PDE10A: variants seen among roughly 807,000 people sequenced by gnomAD.
PDE10A encodes the protein phosphodiesterase 10A.
A neutral mutation model predicts 97.7 loss-of-function variants in PDE10A; 39 were observed. That is an observed-to-expected ratio of 0.40 (90% CI 0.31 to 0.52). PDE10A has a LOEUF of 0.52. Among genes scored for constraint, PDE10A ranks in the 20% least tolerant of loss-of-function variants. The pLI is 0.56. For synonymous variants in PDE10A, 371 were observed against 376.8 expected (o/e 0.98, Z 0.18); for missense variants, 731 against 1,047.8 (o/e 0.70, Z 4.17).
At chr6:165,824,329 T>A (rs6910785) in intron 1 of PDE10A, among the ~76,000 whole-genome samples, 3 of 152,244 alleles carry the variant, frequency 2.0e-5, no homozygotes, top group Admixed American at 1.3e-4. Context: ...CAACAAAAAG[T>A]TCAATCCCCA....
At chr6:165,467,845 G>A (rs7772640) in intron 3 of PDE10A, among the ~76,000 whole-genome samples, 3,304 of 152,306 alleles carry the variant, frequency 0.022, 136 homozygotes, top group African/African-American at 0.075. Context: ...TTCAAACAGC[G>A]TTGCATGCTG....
Position 165,686,878 on chromosome 6 carries a change from A to G in PDE10A, c.-614-143310T>C, listed in dbSNP as rs188526162. ...ACCTAAACGTGTGAGCTGCAGAGCC[A>G]CCTTCTCCACTAAATGCTATTATGT... On this transcript the variant is annotated intron_variant, in intron 1 of 19. Coordinates refer to the PDE10A transcript ENST00000366882. Among the ~76,000 whole-genome samples the G allele has an allele frequency of 2.0e-5, 3 of 152,336 alleles. No individual in the cohort carries two copies. The East Asian group carries it at 5.8e-4, about 29-fold the overall frequency.
intron 1 of PDE10A, among the ~76,000 whole-genome samples, chr6:165,942,223 T>C (rs569151046): frequency 4.3e-4 from 65 of 152,262 alleles, no homozygotes; most frequent in African/African-American, 1.4e-3. Flanking sequence ...GTATATCATA[T>C]GTGTGCTGGG....
chr6:165,735,421 G>A (rs1792551085), intron 1 of PDE10A, among the ~76,000 whole-genome samples: 1 of 151,988 alleles, frequency 6.6e-6, no homozygotes, highest in Non-Finnish European at 1.5e-5. Flanking sequence ...TAGGTAGATA[G>A]GTAGGTAGGT....
intron 1 of PDE10A, among the ~76,000 whole-genome samples, chr6:165,801,802 C>G (rs1278127856): frequency 6.6e-6 from 1 of 152,134 alleles, no homozygotes; most frequent in Non-Finnish European, 1.5e-5. Context: ...GAAAGCCTAT[C>G]AGGATTGAGA....
intron 1 of PDE10A, among the ~76,000 whole-genome samples, chr6:165,854,022 C>A (rs1654487294): frequency 1.3e-5 from 2 of 152,152 alleles, no homozygotes; most frequent in African/African-American, 4.8e-5. Flanking sequence ...AAGCCAAGGC[C>A]GTGATGCGGG....
At chr6:165,514,122 T>C (rs73247763) in intron 2 of PDE10A, among the ~76,000 whole-genome samples, 4,229 of 152,334 alleles carry the variant, frequency 0.028, 193 homozygotes, top group African/African-American at 0.096. Context: ...ACCAACTTTG[T>C]ATTTCTGATA....
chr6:165,381,686 T>C (rs1295442156), intron 17 of PDE10A, among the ~76,000 whole-genome samples: 3 of 149,288 alleles, frequency 2.0e-5, no homozygotes, highest in Non-Finnish European at 4.4e-5. Context: ...TTTCACCATG[T>C]TGGCCAGGAT....
At chr6:165,956,900 C>T (rs1784150011) in intron 1 of PDE10A, among the ~76,000 whole-genome samples, 1 of 152,158 alleles carries the variant, frequency 6.6e-6, no homozygotes, top group Non-Finnish European at 1.5e-5. Flanking sequence ...CTGCATGGGC[C>T]ACTATTCCAC....
chr6:165,440,819 A>T (rs1433541335), intron 5 of PDE10A, among the ~76,000 whole-genome samples: 2 of 151,988 alleles, frequency 1.3e-5, no homozygotes, highest in African/African-American at 4.8e-5. Flanking sequence ...ATATATATAC[A>T]ATAAATTTAC....
chr6:165,594,027 G>A (rs1239959547), intron 1 of PDE10A, among the ~76,000 whole-genome samples: 1 of 152,138 alleles, frequency 6.6e-6, no homozygotes, highest in Admixed American at 6.5e-5. Flanking sequence ...CAAAAATTAG[G>A]AAGAATCCTA....
intron 9 of PDE10A, 95 bp from the exon 10 acceptor site, chr6:165,428,804 A>G: frequency 1.8e-6 from 1 of 543,794 alleles, no homozygotes; most frequent in East Asian, 3.4e-5. Flanking sequence ...CTACATTTAA[A>G]TAAAAAACCA....
intron 3 of PDE10A, among the ~76,000 whole-genome samples, chr6:165,474,314 C>T (rs971068824): frequency 2.0e-5 from 3 of 151,952 alleles, no homozygotes; most frequent in Admixed American, 1.3e-4. Flanking sequence ...AACAAAAAAA[C>T]CAAAGTTAAA....
At chr6:165,411,050 G>A (rs1463799595) in intron 13 of PDE10A, among the ~76,000 whole-genome samples, 1 of 97,250 alleles carries the variant, frequency 1.0e-5, no homozygotes, top group East Asian at 2.4e-4. Flanking sequence ...CAGCGCCACT[G>A]CCCTCCAGCC....
chr6:165,603,130 G>A (rs1318609107), intron 1 of PDE10A, among the ~76,000 whole-genome samples: 1 of 152,106 alleles, frequency 6.6e-6, no homozygotes, highest in Non-Finnish European at 1.5e-5. Context: ...AACCAACTTT[G>A]GCAAGCCACG....
At chr6:165,579,938 T>C (rs899955334) in intron 1 of PDE10A, among the ~76,000 whole-genome samples, 3 of 152,174 alleles carry the variant, frequency 2.0e-5, no homozygotes, top group Non-Finnish European at 4.4e-5. Context: ...ACATGGTATT[T>C]AATATTGTTG....
intron 1 of PDE10A, among the ~76,000 whole-genome samples, chr6:165,779,955 A>G (rs139900714): frequency 1.3e-5 from 2 of 152,298 alleles, no homozygotes; most frequent in Non-Finnish European, 2.9e-5. Flanking sequence ...GAGAGCATCT[A>G]TTGAGTGCCT....
intron 1 of PDE10A, among the ~76,000 whole-genome samples, chr6:165,908,103 AG>A (rs1296537680): frequency 6.6e-6 from 1 of 152,240 alleles, no homozygotes. Context: ...AGGAGGAGCA[AG>A]AACACTTTGA....
intron 1 of PDE10A, among the ~76,000 whole-genome samples, chr6:165,778,476 A>G (rs1778256142): frequency 6.6e-6 from 1 of 152,166 alleles, no homozygotes. Flanking sequence ...TTTTCTCTAT[A>G]ATGACTTCTG....
Sources: allele counts gnomAD v4.1 joint callset (sites outside exome capture counted in the v4.1 genomes callset), GRCh38; gene constraint gnomAD v4.1.1; transcripts MANE v1.5; gene names NCBI Gene and HGNC (gene_info 2026-07-23, HGNC 2026-07-21).